ZMYM2: variants seen among roughly 807,000 people sequenced by gnomAD.
ZMYM2 encodes zinc finger MYM-type protein 2.
Under a neutral mutation model 162.8 loss-of-function variants are expected in ZMYM2, and 56 were observed. The ratio of observed to expected loss-of-function variants is 0.34; its 90% CI spans 0.28 to 0.43. ZMYM2 has a LOEUF of 0.43. Among genes scored for constraint, ZMYM2 ranks in the 20% least tolerant of loss-of-function variants. ZMYM2 has a pLI of 1.00. For synonymous variants in ZMYM2, 510 were observed against 541.6 expected (o/e 0.94, Z 0.81); for missense variants, 1,275 against 1,621.8 (o/e 0.79, Z 3.67).
intron 19 of ZMYM2, among the ~76,000 whole-genome samples, chr13:20,065,114 A>G (rs1366547145): frequency 1.3e-5 from 2 of 152,186 alleles, no homozygotes; most frequent in African/African-American, 4.8e-5. Context: ...AACAAGTGTA[A>G]TTGTTATAAT....
chr13:19,916,055 G>C, the ZMYM2 span, among the ~76,000 whole-genome samples: 1 of 151,740 alleles, frequency 6.6e-6, no homozygotes, highest in Non-Finnish European at 1.5e-5. Flanking sequence ...CAGAGATGAG[G>C]TTTCACCGTG....
chr13:20,086,086 A>G lies in ZMYM2; in HGVS notation c.*72A>G. 6.8e-7 allele frequency: 1 copy of G among 1,472,970 alleles called. No individual in the cohort carries two copies. The highest frequency in any genetic ancestry group is 9.2e-7 in the Non-Finnish European group (1 of 1,088,708). 91.2% of individuals were successfully genotyped at this position (1,472,970 alleles called of 1,614,324 possible). On this transcript the variant is annotated 3_prime_UTR_variant, in exon 25 of 25. Transcript: ENST00000610343. ...CATGCTGCTAGATCTTTATTATGGA[A>G]AACATTTCAAGTTTACTCCTTCTGT... is the stretch of plus-strand genomic sequence containing the variant.
At chr13:19,948,714 G>A in the ZMYM2 span, among the ~76,000 whole-genome samples, 60 of 152,296 alleles carry the variant, frequency 3.9e-4, no homozygotes, top group Middle Eastern at 6.8e-3. Flanking sequence ...ATATAGGTTC[G>A]TAAGTTGTAA....
chr13:19,971,725 G>A (rs1025507949), intron 2 of ZMYM2, among the ~76,000 whole-genome samples: 1 of 152,130 alleles, frequency 6.6e-6, no homozygotes, highest in Admixed American at 6.5e-5. Context: ...AGTAGGAAAA[G>A]CATTTGATGA....
intron 10 of ZMYM2, 131 bp downstream of exon 10, chr13:20,031,566 T>C: frequency 1.6e-6 from 1 of 621,274 alleles, no homozygotes; most frequent in Non-Finnish European, 2.7e-6. Context: ...TTTTTATGAT[T>C]GGATTATTTA....
the ZMYM2 span, among the ~76,000 whole-genome samples, chr13:19,882,108 A>C: frequency 3.3e-4 from 50 of 152,316 alleles, no homozygotes; most frequent in African/African-American, 1.1e-3. Flanking sequence ...CACAGAAGCA[A>C]ATCTTCATGA....
At chr13:20,068,226 G>A (rs1301545997) in intron 21 of ZMYM2, 2 of 179,964 alleles carry the variant, frequency 1.1e-5, no homozygotes, top group East Asian at 9.1e-5. Context: ...TCTTATTCTC[G>A]TTTTATAGGT....
At chr13:19,941,991 C>T in the ZMYM2 span, among the ~76,000 whole-genome samples, 1 of 152,014 alleles carries the variant, frequency 6.6e-6, no homozygotes, top group African/African-American at 2.4e-5. Flanking sequence ...AGTGATCCTG[C>T]TGCTTTAGCC....
chr13:20,027,046 T>G (rs1042015423), intron 8 of ZMYM2, among the ~76,000 whole-genome samples, 157 bp from the exon 9 acceptor site: 1 of 152,156 alleles, frequency 6.6e-6, no homozygotes, highest in African/African-American at 2.4e-5. Flanking sequence ...GAGTCCGTTA[T>G]GACAATATTT....
rs375482120 is a variant in ZMYM2 at position 20,082,839 on chromosome 13, A to G, written c.3627A>G (p.Ser1209=). Residue 1209 remains serine, a synonymous_variant, in exon 23 of 25, where the codon TCA becomes TCG. Transcript: ENST00000610343. ...TCTGGAGGATAAAACAACTAGGATCACACTCTCCAGTAGCTCTTCTGAATA... is the reference window on the plus strand; with the variant it reads ...TCTGGAGGATAAAACAACTAGGATCGCACTCTCCAGTAGCTCTTCTGAATA... ...DYLWRIKQLG[S]HSPVALLNTL... is the part of the protein sequence containing the mutation. 3.4e-5 allele frequency: 55 copies of G among 1,613,578 alleles called. No homozygotes were observed. The highest frequency in any genetic ancestry group is 1.2e-4 in the Admixed American group (7 of 59,988).
upstream of ZMYM2, among the ~76,000 whole-genome samples, chr13:19,955,406 C>T (rs768856014): frequency 1.1e-4 from 16 of 152,130 alleles, no homozygotes; most frequent in Middle Eastern, 3.4e-3. Flanking sequence ...CATGATGAAA[C>T]GATCAGAGGC....
intron 12 of ZMYM2, among the ~76,000 whole-genome samples, chr13:20,040,863 C>G (rs1362257731): frequency 6.6e-6 from 1 of 152,102 alleles, no homozygotes; most frequent in Non-Finnish European, 1.5e-5. Context: ...ATTATTTACC[C>G]AAAAGTTGTT....
intron 21 of ZMYM2, among the ~76,000 whole-genome samples, chr13:20,078,458 A>G (rs931199623): frequency 1.3e-5 from 2 of 152,194 alleles, no homozygotes; most frequent in Non-Finnish European, 2.9e-5. Flanking sequence ...ATTTGACCAT[A>G]TGTTTGTCAT....
chr13:19,884,837 G>A, the ZMYM2 span, among the ~76,000 whole-genome samples: 8 of 151,980 alleles, frequency 5.3e-5, no homozygotes, highest in Non-Finnish European at 7.4e-5. Flanking sequence ...AGCAGTAAAA[G>A]AAAACCTGAG....
intron 2 of ZMYM2, chr13:19,970,120 A>G (rs1311898551): frequency 1.1e-6 from 1 of 952,050 alleles, no homozygotes; most frequent in Non-Finnish European, 1.3e-6. Flanking sequence ...AACATTATGG[A>G]AAATTTGTTA....
chr13:20,062,746 A>T, intron 17 of ZMYM2, 100 bp from the exon 18 acceptor site: 1 of 1,198,264 alleles, frequency 8.3e-7, no homozygotes, highest in Non-Finnish European at 1.1e-6. Context: ...ATTTTTTTAT[A>T]TTGCATTTAA....
intron 7 of ZMYM2, among the ~76,000 whole-genome samples, chr13:20,020,720 C>G (rs1231186427): frequency 1.3e-5 from 2 of 151,692 alleles, no homozygotes; most frequent in Non-Finnish European, 2.9e-5. Context: ...TATTGTTTTT[C>G]CCTAGTCTTT....
intron 2 of ZMYM2, among the ~76,000 whole-genome samples, chr13:19,987,107 G>A (rs1349967017): frequency 1.5e-5 from 1 of 67,382 alleles, no homozygotes; most frequent in Non-Finnish European, 2.4e-5. Context: ...GCAAGGCTCC[G>A]TCTCAAAAAA....
At chr13:19,943,421 G>A in the ZMYM2 span, among the ~76,000 whole-genome samples, 1 of 152,172 alleles carries the variant, frequency 6.6e-6, no homozygotes, top group Admixed American at 6.6e-5. Flanking sequence ...CACCAGGCAT[G>A]TGTGTTTTAT....
Sources: allele counts gnomAD v4.1 joint callset (sites outside exome capture counted in the v4.1 genomes callset), GRCh38; gene constraint gnomAD v4.1.1; transcripts MANE v1.5; gene names NCBI Gene and HGNC (gene_info 2026-07-23, HGNC 2026-07-21).